The following CXorf58 variants were observed in gnomAD, a reference collection of about 807,000 sequenced individuals.
CXorf58 encodes the protein uncharacterized protein CXorf58.
CXorf58 carries 24 observed loss-of-function variants against 26.0 expected under a neutral mutation model. That is an observed-to-expected ratio of 0.92 (90% confidence interval 0.67 to 1.30). CXorf58 has a LOEUF of 1.30. CXorf58 is among the 50% of genes most tolerant of loss of function. The pLI is 0.00. For missense variants in CXorf58, 236 were observed against 263.9 expected (o/e 0.89, Z 0.73); for synonymous variants, 87 against 86.1 (o/e 1.01, Z -0.06).
chrX:23,934,102 A>G (rs1011126404), intron 6 of CXorf58, among the ~76,000 whole-genome samples: 12 of 111,604 alleles, frequency 1.1e-4, no homozygotes, highest in Non-Finnish European at 1.9e-4. Flanking sequence ...ACACATAGCT[A>G]TTATCATTAA....
rs773749151 is a variant in CXorf58 at position 23,910,501 on chromosome X, T to G, written c.116+83T>G. ...TACTTATTCAGATAACTTCAAATGC[T>G]TCTTGTTTTGTAAATCAAAGTTTTT... On this transcript the variant is annotated intron_variant, in intron 2 of 8. Coordinates refer to ENST00000379211, the MANE Select transcript of CXorf58 (RefSeq NM_152761.3). 1.6e-5 allele frequency: 8 copies of G among 512,969 alleles called. No homozygotes were observed. In the East Asian group the frequency reaches 2.7e-4, roughly 17 times the overall value. 42.3% of individuals were successfully genotyped at this position (512,969 alleles called of 1,213,427 possible).
rs970063111 is a variant in CXorf58 at position 23,926,294 on chromosome X, A to G, written c.424-945A>G. Among the ~76,000 whole-genome samples the G allele has an allele frequency of 3.6e-5, 4 of 111,128 alleles. No homozygotes were observed. The East Asian group carries it at 1.1e-3, about 31-fold the overall frequency. On this transcript the variant is annotated intron_variant, in intron 5 of 8. Transcript: ENST00000379211. ...GAAGGGTATGGTATAAGTAGGGCCCAACAGGATTTGAGCTTCCATATATTC... is the reference window on the plus strand; with the variant it reads ...GAAGGGTATGGTATAAGTAGGGCCCGACAGGATTTGAGCTTCCATATATTC...
At chrX:23,917,106 G>A (rs1351351671) in intron 5 of CXorf58, among the ~76,000 whole-genome samples, 3 of 108,880 alleles carry the variant, frequency 2.8e-5, no homozygotes, top group South Asian at 4.0e-4. Flanking sequence ...AGGCCAAGGC[G>A]GGCGAATCAC....
chrX:23,936,696 C>T (rs1188175655), intron 7 of CXorf58, among the ~76,000 whole-genome samples: 1 of 111,826 alleles, frequency 8.9e-6, no homozygotes, highest in African/African-American at 3.2e-5. Context: ...GACCCACTGT[C>T]AAGCAAACAT....
chrX:23,934,085 A>G (rs1601970571), intron 6 of CXorf58, among the ~76,000 whole-genome samples: 1 of 111,406 alleles, frequency 9.0e-6, no homozygotes, highest in East Asian at 2.8e-4. Context: ...TCTACTAGGT[A>G]TGCAGAACAC....
chrX:23,933,120 A>G (rs1283654220), intron 6 of CXorf58, among the ~76,000 whole-genome samples: 1 of 106,667 alleles, frequency 9.4e-6, no homozygotes, highest in Non-Finnish European at 1.9e-5. Context: ...ACACAGCGAG[A>G]CCCCATTCTC....
rs145446354 is a variant in CXorf58, at chrX:23,916,164, C to G, written c.312-53C>G. On this transcript the variant is annotated intron_variant, in intron 4 of 8. Transcript: ENST00000379211. The stretch of plus-strand genomic sequence containing the variant: ...CTATCTTAAGTATAAGGGGGAAAAG[C>G]AACTGAGCCCAAAACCTGATGCCAA... 1.0e-3 allele frequency: 746 copies of G among 736,272 alleles called. 3 individuals carry two copies. In the African/African-American group the frequency reaches 0.013, roughly 13 times the overall value. 60.7% of individuals were successfully genotyped at this position (736,272 alleles called of 1,213,427 possible). A position where few individuals can be genotyped will look rare whatever the true frequency, so the allele number is the denominator to read the frequency against.
At chrX:23,915,124 A>T in intron 3 of CXorf58, among the ~76,000 whole-genome samples, 1 of 112,635 alleles carries the variant, frequency 8.9e-6, no homozygotes, top group East Asian at 2.8e-4. Flanking sequence ...ACGGAGCGAG[A>T]CTCTGTCTCA....
chrX:23,909,501 TA>T (rs920082259), intron 1 of CXorf58, among the ~76,000 whole-genome samples: 3 of 112,338 alleles, frequency 2.7e-5, no homozygotes, highest in African/African-American at 9.7e-5. Context: ...AATTTTGTTT[TA>T]AAAAATATTT....
chrX:23,931,784 T>C (rs1601969019), intron 6 of CXorf58, among the ~76,000 whole-genome samples: 1 of 111,911 alleles, frequency 8.9e-6, no homozygotes, highest in African/African-American at 3.2e-5. Context: ...CCAGGCAACA[T>C]AGTGAGACCC....
chrX:23,935,021 C>T (rs1451487110), intron 6 of CXorf58, among the ~76,000 whole-genome samples, 175 bp from the exon 7 acceptor site: 8 of 109,224 alleles, frequency 7.3e-5, no homozygotes, highest in African/African-American at 2.7e-4. Flanking sequence ...CAAGCCACCA[C>T]GCCTGGCTAA....
chrX:23,939,193 GT>G (rs1464192466), intron 8 of CXorf58, 50 bp from the exon 9 acceptor site: 2 of 886,711 alleles, frequency 2.3e-6, no homozygotes, highest in African/African-American at 2.0e-5. Context: ...ATATAAAGTA[GT>G]AAAAACCAAA....
chrX:23,933,948 C>T (rs930797072), intron 6 of CXorf58, among the ~76,000 whole-genome samples: 4 of 108,324 alleles, frequency 3.7e-5, no homozygotes, highest in Non-Finnish European at 7.7e-5. Context: ...TCAGGAGGAT[C>T]ACTGGAGCCC....
At chrX:23,910,140 T>TTTACA in intron 1 of CXorf58, 143 bp from the exon 2 acceptor site, 1 of 377,695 alleles carries the variant, frequency 2.6e-6, no homozygotes, top group Non-Finnish European at 4.7e-6. Context: ...GAATGTAAAC[T>TTTACA]GTAAGCAACT....
intron 6 of CXorf58, among the ~76,000 whole-genome samples, chrX:23,932,952 G>A (rs1291550220): frequency 2.7e-5 from 3 of 110,611 alleles, no homozygotes; most frequent in Non-Finnish European, 3.8e-5. Context: ...CCGAGATTGC[G>A]CCGCTGCACT....
intron 1 of CXorf58, among the ~76,000 whole-genome samples, chrX:23,909,252 G>GA (rs1301991049): frequency 9.0e-6 from 1 of 111,582 alleles, no homozygotes; most frequent in Admixed American, 9.5e-5. Flanking sequence ...TTGTATGGGG[G>GA]AAAAAATGAC....
chrX:23,927,646 G>A (rs2147074412), intron 6 of CXorf58, among the ~76,000 whole-genome samples: 1 of 110,017 alleles, frequency 9.1e-6, no homozygotes, highest in South Asian at 3.9e-4. Context: ...ATTGTATATA[G>A]GTAAACTCGT....
intron 5 of CXorf58, among the ~76,000 whole-genome samples, chrX:23,919,545 T>TA (rs1927811383): frequency 8.9e-6 from 1 of 112,579 alleles, no homozygotes; most frequent in Non-Finnish European, 1.9e-5. Flanking sequence ...TTTGTTTTTT[T>TA]ACGTCAGAAC....
intron 6 of CXorf58, among the ~76,000 whole-genome samples, chrX:23,933,908 G>A (rs898009561): frequency 9.2e-6 from 1 of 108,563 alleles, no homozygotes; most frequent in Non-Finnish European, 1.9e-5. Context: ...ATAGCCAGAC[G>A]TGGTGGCATG....
Sources: allele counts gnomAD v4.1 joint callset (sites outside exome capture counted in the v4.1 genomes callset), GRCh38; gene constraint gnomAD v4.1.1; transcripts MANE v1.5; gene names NCBI Gene and HGNC (gene_info 2026-07-23, HGNC 2026-07-21).